SECISBP2: variants seen among roughly 807,000 people sequenced by gnomAD.
The protein encoded by SECISBP2 is selenocysteine insertion sequence-binding protein 2.
In SECISBP2, 96 loss-of-function variants were observed where a neutral mutation model predicts 98.2. The observed-to-expected ratio is 0.98, with a 90% CI of 0.83 to 1.16. The LOEUF is 1.16. Ranked by LOEUF, SECISBP2 falls within the 50% of genes most tolerant of loss-of-function variation. SECISBP2 has a pLI of 0.00. For synonymous variants in SECISBP2, 407 were observed against 370.2 expected (o/e 1.10, Z -1.14); for missense variants, 1,046 against 1,022.9 (o/e 1.02, Z -0.31).
chr9:89,323,062 A>T (rs983272591), intron 2 of SECISBP2: 1 of 152,224 alleles, frequency 6.6e-6, no homozygotes, highest in African/African-American at 2.4e-5. Context: ...AAAGAGCCCC[A>T]TGATTGTCCG....
Position 89,358,739 on chromosome 9 carries a change from A to G in SECISBP2, c.2480A>G (p.His827Arg), listed in dbSNP as rs1422956321. 1.2e-6 allele frequency: 2 copies of G among 1,613,164 alleles called. No homozygotes were observed. The highest frequency in any genetic ancestry group is 1.7e-6 in the Non-Finnish European group (2 of 1,179,194). ...EPHYIEIWKKHLEAYSGCTLE... is the reference protein window; with the variant it reads ...EPHYIEIWKKRLEAYSGCTLE... ...ATTTTAGTTGAAATCTGGAAAAAAC[A>G]TCTGGAAGCATACAGTGGATGTACC... Residue 827 changes from histidine to arginine, a missense_variant, in exon 17 of 17, where the codon CAT becomes CGT. Transcript: ENST00000375807.
At chr9:89,349,694 C>A in intron 12 of SECISBP2, 82 bp from the exon 13 acceptor site, 1 of 1,452,488 alleles carries the variant, frequency 6.9e-7, no homozygotes, top group Non-Finnish European at 9.7e-7. Flanking sequence ...CTGGTTGCAT[C>A]GGTGAGACTG....
At chr9:89,357,931 G>T in intron 15 of SECISBP2, 68 bp from the exon 16 acceptor site, 2 of 1,546,394 alleles carry the variant, frequency 1.3e-6, no homozygotes, top group South Asian at 2.3e-5. Context: ...GGTGGCCATT[G>T]CTGAGTTTGA....
At chr9:89,357,666 C>T in intron 15 of SECISBP2, 101 bp downstream of exon 15, 1 of 1,435,480 alleles carries the variant, frequency 7.0e-7, no homozygotes. Context: ...CCAGAACCTC[C>T]AGTAGGCTGT....
chr9:89,362,228 T>A (rs1832812348), downstream of SECISBP2: 5 of 1,096,162 alleles, frequency 4.6e-6, no homozygotes, highest in Non-Finnish European at 5.4e-6. Flanking sequence ...TCCAGGCTTC[T>A]CCACTGTCCC....
chr9:89,321,559 CG>C (rs1429562644), intron 2 of SECISBP2, among the ~76,000 whole-genome samples: 2 of 151,660 alleles, frequency 1.3e-5, no homozygotes, highest in Admixed American at 6.6e-5. Context: ...CCCAGTTACT[CG>C]GGAGGCTGAG....
intron 5 of SECISBP2, chr9:89,329,131 T>G (rs1333053967): frequency 2.1e-5 from 10 of 484,972 alleles, no homozygotes; most frequent in Non-Finnish European, 3.7e-5. Context: ...GTTTTGTTTT[T>G]GAAACGGAGT....
intron 8 of SECISBP2, among the ~76,000 whole-genome samples, chr9:89,338,886 G>A (rs1401859127): frequency 7.1e-6 from 1 of 140,748 alleles, no homozygotes; most frequent in Non-Finnish European, 1.6e-5. Context: ...TTCTTTACCT[G>A]TTTTTTTTTT....
Position 89,319,783 on chromosome 9 carries a change from A to G in SECISBP2, c.168A>G (p.Glu56=), listed in dbSNP as rs1483820164. Residue 56 remains glutamate, a synonymous_variant, in exon 2 of 17, where the codon GAA becomes GAG. Transcript: ENST00000375807. ...SAATYYPFVQ[E]PPVTEQKIYT... is the part of the protein sequence containing the mutation. Reference sequence around the variant, plus strand: ...CCACATACTATCCGTTTGTTCAGGAACCACCAGTGACAGAGTATGTATCTT... The same window carrying G: ...CCACATACTATCCGTTTGTTCAGGAGCCACCAGTGACAGAGTATGTATCTT... 6.2e-7 allele frequency: 1 copy of G among 1,614,090 alleles called. No homozygotes were observed. The highest frequency in any genetic ancestry group is 8.5e-7 in the Non-Finnish European group (1 of 1,179,952).
At chr9:89,366,474 G>C in the SECISBP2 span, among the ~76,000 whole-genome samples, 1 of 152,124 alleles carries the variant, frequency 6.6e-6, no homozygotes, top group Admixed American at 6.5e-5. Context: ...CTGGCCTGGT[G>C]GACAAGCCCT....
rs1303781283 is a variant in SECISBP2 at position 89,347,138 on chromosome 9, T to C, written c.1602+90T>C. 5.1e-6 allele frequency: 7 copies of C among 1,362,002 alleles called. No individual in the cohort carries two copies. The East Asian group carries it at 9.6e-5, about 19-fold the overall frequency. The allele number at this position is 1,362,002 out of a possible 1,614,324, so 84.4% of individuals were successfully genotyped here. ...TCTCCCAGCTCTTAGATTTTTAGAT[T>C]TTACGACTTGTATTACTTGAATATG... On this transcript the variant is annotated intron_variant, in intron 11 of 16. Coordinates refer to ENST00000375807, the MANE Select transcript of SECISBP2 (RefSeq NM_024077.5).
In SECISBP2 at chr9:89,328,498, T is replaced by C. The variant is rs1313571716; in HGVS notation, c.575-162T>C. Among the ~76,000 whole-genome samples the C allele has an allele frequency of 4.6e-5, 7 of 152,212 alleles. No individual in the cohort carries two copies. The East Asian group carries it at 1.3e-3, about 29-fold the overall frequency. On this transcript the variant is annotated intron_variant, in intron 4 of 16. Coordinates refer to ENST00000375807, the MANE Select transcript of SECISBP2 (RefSeq NM_024077.5). ...ACTTATGGTCATTTAAACTTTATAC[T>C]TTTACAAAGGAAGGTGAACAACACC...
intron 8 of SECISBP2, among the ~76,000 whole-genome samples, chr9:89,339,335 A>T (rs144397713): frequency 3.9e-4 from 59 of 152,382 alleles, no homozygotes; most frequent in African/African-American, 1.2e-3. Context: ...GTGGCAGAGC[A>T]TTATGGTTTA....
chr9:89,332,198 A>C (rs998574964), intron 5 of SECISBP2, among the ~76,000 whole-genome samples: 4 of 152,110 alleles, frequency 2.6e-5, no homozygotes, highest in Non-Finnish European at 5.9e-5. Context: ...GTTGAGAGGA[A>C]AGTACAGATT....
At chr9:89,353,713 T>C (rs185383409) in intron 14 of SECISBP2, among the ~76,000 whole-genome samples, 82 of 152,338 alleles carry the variant, frequency 5.4e-4, no homozygotes, top group East Asian at 3.9e-4. Context: ...ATTTGTGTCT[T>C]TAAAAAACAA....
Position 89,357,447 on chromosome 9 carries a change from A to G in SECISBP2, c.2150A>G (p.Tyr717Cys). 6.2e-7 allele frequency: 1 copy of G among 1,614,180 alleles called. No homozygotes were observed. Among genetic ancestry groups the G allele is most frequent in the East Asian group, 2.2e-5 (1 of 44,886 alleles). ...GACACTTTGCACACAATTATTGATT[A>G]TGCCTGTGAGCAGAACATTCCCTTT... ...LDDTLHTIID[Y>C]ACEQNIPFVF... is the part of the protein sequence containing the mutation. The change falls in exon 15 of 17, where the codon TAT (tyrosine) becomes TGT (cysteine). Residue 717 changes from tyrosine (Y) to cysteine (C), a missense_variant. Tyr to Cys is a radical substitution (Grantham distance 194). Transcript: ENST00000375807.
chr9:89,334,626 G>A lies in SECISBP2; in HGVS notation c.985G>A (p.Ala329Thr). The change falls in exon 7 of 17, where the codon GCT becomes ACT. Residue 329 changes from alanine (A) to threonine (T), a missense_variant. Transcript: ENST00000375807. ...TTCTATGATAAACTTAAAGACCATT[G>A]CTTCATCAGCAGATCCTAAAAATGT... ...VTSMINLKTI[A>T]SSADPKNVSI... is the part of the protein sequence containing the mutation. The A allele has an allele frequency of 6.2e-7, 1 of 1,614,010 alleles. No individual in the cohort carries two copies. The highest frequency in any genetic ancestry group is 8.5e-7 in the Non-Finnish European group (1 of 1,179,888).
At chr9:89,335,025 T>C (rs547991533) in intron 7 of SECISBP2, among the ~76,000 whole-genome samples, 44 of 152,186 alleles carry the variant, frequency 2.9e-4, no homozygotes, top group African/African-American at 5.1e-4. Context: ...CCATCCTGGC[T>C]AACACAGTGA....
downstream of SECISBP2, among the ~76,000 whole-genome samples, chr9:89,362,773 C>A (rs1046612648): frequency 8.5e-5 from 13 of 152,240 alleles, no homozygotes; most frequent in Non-Finnish European, 1.9e-4. Flanking sequence ...GCCACGTAAC[C>A]CACACACTTT....
Sources: allele counts gnomAD v4.1 joint callset (sites outside exome capture counted in the v4.1 genomes callset), GRCh38; gene constraint gnomAD v4.1.1; transcripts MANE v1.5; gene names NCBI Gene and HGNC (gene_info 2026-07-23, HGNC 2026-07-21).